PPM1L: variants seen among roughly 807,000 people sequenced by gnomAD.
PPM1L encodes the protein protein phosphatase 1L.
In PPM1L, 13 loss-of-function variants were observed where a neutral mutation model predicts 31.4. The ratio of observed to expected loss-of-function variants is 0.41; its 90% CI spans 0.27 to 0.66. The LOEUF is 0.66. PPM1L is among the 30% of genes least tolerant of loss of function. The pLI is 0.29. For synonymous variants in PPM1L, 184 were observed against 175.4 expected (o/e 1.05, Z -0.39); for missense variants, 326 against 453.7 (o/e 0.72, Z 2.56).
chr3:160,800,725 C>T (rs1712399322), intron 1 of PPM1L, among the ~76,000 whole-genome samples: 1 of 152,092 alleles, frequency 6.6e-6, no homozygotes, highest in Non-Finnish European at 1.5e-5. Flanking sequence ...TGTTTTATTT[C>T]TGCTCCATTT....
chr3:161,065,360 G>A (rs1385396887), intron 2 of PPM1L, 43 bp from the exon 3 acceptor site: 1 of 1,587,882 alleles, frequency 6.3e-7, no homozygotes, highest in South Asian at 1.1e-5. Context: ...GAACCTGAAT[G>A]CACTGCTGAC....
chr3:161,019,994 C>T (rs552720741), intron 2 of PPM1L, among the ~76,000 whole-genome samples: 12 of 152,018 alleles, frequency 7.9e-5, no homozygotes, highest in Admixed American at 2.0e-4. Flanking sequence ...AGTGTGGTGG[C>T]GTGTGCCTGT....
intron 1 of PPM1L, among the ~76,000 whole-genome samples, chr3:160,836,814 T>C (rs1394403502): frequency 6.6e-6 from 1 of 152,206 alleles, no homozygotes; most frequent in African/African-American, 2.4e-5. Context: ...GACCTGTTGG[T>C]GAATTTTTAC....
intron 2 of PPM1L, among the ~76,000 whole-genome samples, chr3:161,006,245 T>A (rs1337841867): frequency 3.3e-5 from 5 of 152,320 alleles, no homozygotes; most frequent in South Asian, 4.1e-4. Flanking sequence ...TGAAATAAGC[T>A]AGACATAAAA....
At chr3:161,026,646 C>T (rs112216270) in intron 2 of PPM1L, among the ~76,000 whole-genome samples, 4,180 of 151,400 alleles carry the variant, frequency 0.028, 87 homozygotes, top group Non-Finnish European at 0.041. Flanking sequence ...TACAGTGAGC[C>T]GAGACCACGC....
chr3:161,062,130 C>G (rs2108107455), intron 2 of PPM1L, among the ~76,000 whole-genome samples: 2 of 147,884 alleles, frequency 1.4e-5, no homozygotes, highest in Non-Finnish European at 3.0e-5. Flanking sequence ...TTCTGTGTCT[C>G]TTTTAGTGGG....
At chr3:160,808,737 A>G (rs1159215629) in intron 1 of PPM1L, among the ~76,000 whole-genome samples, 1 of 152,102 alleles carries the variant, frequency 6.6e-6, no homozygotes, top group African/African-American at 2.4e-5. Flanking sequence ...AGAGAAGGGA[A>G]CTGATTAATC....
chr3:160,936,730 A>G (rs1714985286), intron 1 of PPM1L, among the ~76,000 whole-genome samples: 1 of 152,214 alleles, frequency 6.6e-6, no homozygotes, highest in Non-Finnish European at 1.5e-5. Context: ...CCTACCTGAT[A>G]TTATATTTCC....
intron 1 of PPM1L, among the ~76,000 whole-genome samples, chr3:160,856,874 C>G (rs558121240): frequency 1.3e-5 from 2 of 149,874 alleles, no homozygotes; most frequent in Admixed American, 1.3e-4. Flanking sequence ...TTTAATTCTT[C>G]TCCCTATTTA....
At chr3:160,942,758 T>C (rs183799519) in intron 1 of PPM1L, among the ~76,000 whole-genome samples, 12 of 152,212 alleles carry the variant, frequency 7.9e-5, no homozygotes, top group African/African-American at 2.9e-4. Flanking sequence ...TAAGAATTCC[T>C]TATGTGCATG....
chr3:161,011,925 G>A (rs6774622), intron 2 of PPM1L, among the ~76,000 whole-genome samples: 3,771 of 152,226 alleles, frequency 0.025, 121 homozygotes, highest in African/African-American at 0.07. Flanking sequence ...GGGCTGAGAC[G>A]ATGGGGTTTT....
intron 1 of PPM1L, among the ~76,000 whole-genome samples, chr3:160,928,437 A>G (rs905521833): frequency 2.0e-5 from 3 of 152,178 alleles, no homozygotes; most frequent in African/African-American, 7.2e-5. Context: ...GGATTTTTCA[A>G]TGCCATCCTG....
rs868237865 is a variant in PPM1L, at chr3:161,051,113, C to T, written c.575-14290C>T. On this transcript the variant is annotated intron_variant, in intron 2 of 3. Coordinates refer to ENST00000498165, the MANE Select transcript of PPM1L (RefSeq NM_139245.4). ...TTCCTCCCAGCTATCCTCTCCACCA[C>T]CCGCCATCTCCTCAGACTGAGACAA... 9.2e-5 allele frequency among the ~76,000 whole-genome samples: 14 copies of T among 152,242 alleles called. No homozygotes were observed. In the Middle Eastern group the frequency reaches 0.01, roughly 111 times the overall value.
chr3:160,961,659 A>C, intron 1 of PPM1L, 77 bp from the exon 2 acceptor site: 1 of 1,311,922 alleles, frequency 7.6e-7, no homozygotes, highest in Admixed American at 2.8e-5. Context: ...CTTTCTCTAT[A>C]GCACCTGAGG....
At chr3:161,062,355 C>A (rs542011730) in intron 2 of PPM1L, among the ~76,000 whole-genome samples, 28 of 152,254 alleles carry the variant, frequency 1.8e-4, no homozygotes, top group Middle Eastern at 6.8e-3. Context: ...GTAATCCCAG[C>A]ACTTTAAAAG....
At chr3:160,781,506 AG>A (rs1291692413) in intron 1 of PPM1L, among the ~76,000 whole-genome samples, 1 of 152,218 alleles carries the variant, frequency 6.6e-6, no homozygotes, top group East Asian at 1.9e-4. Flanking sequence ...AAAATGGCCT[AG>A]CTGCACAGAC....
At chr3:160,885,355 T>C (rs1288322950) in intron 1 of PPM1L, among the ~76,000 whole-genome samples, 1 of 152,206 alleles carries the variant, frequency 6.6e-6, no homozygotes, top group East Asian at 1.9e-4. Context: ...GAGTATAACA[T>C]GCCTAGACTA....
rs561044152 is a variant in PPM1L, at chr3:160,786,454, G to T, written c.399+29747G>T. Among the ~76,000 whole-genome samples, 15 of 151,386 alleles carry T rather than the reference G, an allele frequency of 9.9e-5. No individual in the cohort carries two copies. In the South Asian group the frequency reaches 2.7e-3, roughly 27 times the overall value. On this transcript the variant is annotated intron_variant, in intron 1 of 3. Coordinates refer to ENST00000498165, the MANE Select transcript of PPM1L (RefSeq NM_139245.4). Reference sequence around the variant, plus strand: ...GCTGGTCTCGAACTCCTGACCTCGGGTTATCCACCTGCCTCTGCCTCCCAA... The same window carrying T: ...GCTGGTCTCGAACTCCTGACCTCGGTTTATCCACCTGCCTCTGCCTCCCAA...
At chr3:160,848,524 T>A (rs867724252) in intron 1 of PPM1L, among the ~76,000 whole-genome samples, 17 of 152,226 alleles carry the variant, frequency 1.1e-4, no homozygotes, top group African/African-American at 3.9e-4. Flanking sequence ...GTCAACAGGC[T>A]ATTCTTCTGG....
Sources: gnomAD v4.1 joint callset for allele counts (sites outside exome capture counted in the v4.1 genomes callset) on GRCh38, gnomAD v4.1.1 for gene constraint, MANE v1.5 for transcripts, NCBI Gene and HGNC (gene_info 2026-07-23, HGNC 2026-07-21) for gene names.